The following NUP93 variants were observed in gnomAD, a reference collection of about 807,000 sequenced individuals.
The protein encoded by NUP93 is nuclear pore complex protein Nup93.
A neutral mutation model predicts 107.8 loss-of-function variants in NUP93; 55 were observed. The ratio of observed to expected loss-of-function variants is 0.51; its 90% CI spans 0.41 to 0.64. NUP93 has a LOEUF of 0.64. Among genes scored for constraint, NUP93 ranks in the 30% least tolerant of loss-of-function variants. NUP93 has a pLI of 0.00. For missense variants in NUP93, 937 were observed against 1,044.7 expected (o/e 0.90, Z 1.42); for synonymous variants, 390 against 397.5 (o/e 0.98, Z 0.22).
At chr16:56,739,029 G>T (rs1193654079) in intron 1 of NUP93, among the ~76,000 whole-genome samples, 8 of 150,020 alleles carry the variant, frequency 5.3e-5, no homozygotes, top group Non-Finnish European at 8.9e-5. Flanking sequence ...CACAGGGTTG[G>T]GGGTAAGGTC....
intron 7 of NUP93, 108 bp from the exon 8 acceptor site, chr16:56,823,599 C>T: frequency 1.5e-6 from 2 of 1,302,778 alleles, no homozygotes; most frequent in Non-Finnish European, 2.2e-6. Context: ...TGACATTAAC[C>T]TCATCCCCCA....
intron 21 of NUP93, 32 bp downstream of exon 21, chr16:56,841,865 T>C (rs1418307216): frequency 6.2e-7 from 1 of 1,612,106 alleles, no homozygotes; most frequent in South Asian, 1.1e-5. Context: ...GAAACATTGC[T>C]AAGCACCACC....
At position 56,815,899 on chromosome 16, in the gene NUP93, G is replaced by GCTGCTGCTGC. The variant is rs1555495759; in HGVS notation, c.490-2765_490-2764insCTGCTGCTGC. On this transcript the variant is annotated intron_variant, in intron 5 of 21. Coordinates refer to ENST00000308159, the MANE Select transcript of NUP93 (RefSeq NM_014669.5). Reference sequence around the variant, plus strand: ...GCTGCTGCTGCTGCTGCTGCTGCTGGTGCTGCTGCTGCTGCTGGTGCTGCT... The same window carrying GCTGCTGCTGC: ...GCTGCTGCTGCTGCTGCTGCTGCTGGCTGCTGCTGCTGCTGCTGCTGCTGCTGGTGCTGCT... Among the ~76,000 whole-genome samples, 109 of 96,030 alleles carry GCTGCTGCTGC rather than the reference G, an allele frequency of 1.1e-3. 1 individual carries two copies. The highest frequency in any genetic ancestry group is 4.1e-3 in the African/African-American group (102 of 24,744). 63.0% of individuals were successfully genotyped at this position (96,030 alleles called of 152,430 possible). A position where few individuals can be genotyped will look rare whatever the true frequency, so the allele number is the denominator to read the frequency against.
rs750385676 is a variant in NUP93, at chr16:56,821,554, G to A, written c.615G>A (p.Leu205=). The stretch of plus-strand genomic sequence containing the variant: ...TAAATGGACACCTGCAGCCTAACCT[G>A]GTGGACCTTTGTGCTTCCGTCGCAG... ...KIVNGHLQPN[L]VDLCASVAEL... is the part of the protein sequence containing the mutation. The change falls in exon 7 of 22, where the codon CTG becomes CTA. Residue 205 remains leucine (L), a synonymous_variant. Transcript: ENST00000308159. 1 of 1,613,438 alleles carries A rather than the reference G, an allele frequency of 6.2e-7. No individual in the cohort carries two copies. Among genetic ancestry groups the A allele is most frequent in the South Asian group, 1.1e-5 (1 of 91,048 alleles).
At chr16:56,757,487 C>T (rs184527947) in intron 2 of NUP93, among the ~76,000 whole-genome samples, 4 of 152,174 alleles carry the variant, frequency 2.6e-5, no homozygotes, top group East Asian at 1.9e-4. Context: ...AGACCCGACC[C>T]GACCTGACCC....
At chr16:56,766,460 A>G (rs367551755) in intron 3 of NUP93, among the ~76,000 whole-genome samples, 6 of 152,212 alleles carry the variant, frequency 3.9e-5, no homozygotes, top group Non-Finnish European at 7.3e-5. Context: ...TCTGGCATCT[A>G]TAAATTGCTC....
intron 21 of NUP93, among the ~76,000 whole-genome samples, chr16:56,842,420 C>T (rs1964043545): frequency 6.6e-6 from 1 of 152,086 alleles, no homozygotes; most frequent in African/African-American, 2.4e-5. Context: ...GGACCTCCAG[C>T]AGTGCATGGG....
intron 3 of NUP93, among the ~76,000 whole-genome samples, chr16:56,764,632 C>G (rs140843323): frequency 1.2e-4 from 19 of 152,288 alleles, no homozygotes. Context: ...AAAGTAGTTG[C>G]TCACTAATTG....
rs146580924 is a variant in NUP93, at chr16:56,806,527, G to A, written c.489+895G>A. On this transcript the variant is annotated intron_variant, in intron 5 of 21. Transcript: ENST00000308159. ...TCTAAGCACAATCAGGGTATTGGCC[G>A]AGGCTGCACTCATTTCAAGGCTAGA... Among the ~76,000 whole-genome samples the A allele has an allele frequency of 5.3e-5, 8 of 152,242 alleles. No homozygotes were observed. The East Asian group carries it at 9.7e-4, about 18-fold the overall frequency.
At chr16:56,828,129 A>G (rs1488178438) in intron 8 of NUP93, among the ~76,000 whole-genome samples, 1 of 151,914 alleles carries the variant, frequency 6.6e-6, no homozygotes, top group African/African-American at 2.4e-5. Context: ...TCTCAAAAAA[A>G]AATAAGGGCA....
intron 5 of NUP93, among the ~76,000 whole-genome samples, chr16:56,807,111 C>T (rs1329294808): frequency 1.3e-5 from 2 of 152,226 alleles, no homozygotes; most frequent in African/African-American, 4.8e-5. Flanking sequence ...CCAAGCTCAT[C>T]TTGTGCTGCT....
intron 17 of NUP93, 35 bp downstream of exon 17, chr16:56,836,752 C>T: frequency 7.2e-7 from 1 of 1,382,578 alleles, no homozygotes; most frequent in Non-Finnish European, 1.0e-6. Flanking sequence ...TTGCACTTCA[C>T]AGGTCTGCTG....
intron 6 of NUP93, among the ~76,000 whole-genome samples, chr16:56,819,415 A>G (rs1963498336): frequency 6.6e-6 from 1 of 152,234 alleles, no homozygotes; most frequent in Non-Finnish European, 1.5e-5. Context: ...AAAGAAGGAA[A>G]AATATCCTGT....
At chr16:56,732,393 A>C (rs915705420) in intron 1 of NUP93, among the ~76,000 whole-genome samples, 1 of 152,226 alleles carries the variant, frequency 6.6e-6, no homozygotes, top group Non-Finnish European at 1.5e-5. Flanking sequence ...GCCTGCCCTC[A>C]TTGAACTGAT....
chr16:56,760,911 T>A (rs1228837603), intron 3 of NUP93, among the ~76,000 whole-genome samples: 2 of 151,854 alleles, frequency 1.3e-5, no homozygotes, highest in Admixed American at 6.6e-5. Context: ...GTCCCTCCTG[T>A]GTGCACCACT....
chr16:56,804,905 C>CA (rs58373431), intron 4 of NUP93, among the ~76,000 whole-genome samples: 1,485 of 64,690 alleles, frequency 0.023, 11 homozygotes, highest in Middle Eastern at 0.038. Context: ...AACTCTGTCT[C>CA]AAAAAAAAAA....
In NUP93 at chr16:56,736,615, G is replaced by T. The variant is rs1961617783; in HGVS notation, c.-15+6404G>T. Among the ~76,000 whole-genome samples the T allele has an allele frequency of 2.0e-5, 3 of 152,320 alleles. No homozygotes were observed. In the South Asian group the frequency reaches 6.2e-4, roughly 32 times the overall value. The stretch of plus-strand genomic sequence containing the variant: ...AGAACCTGGGAGACAGAAGCCAGGG[G>T]CAGAGGCGGAGGAGGAGTTGGGGGT... On this transcript the variant is annotated intron_variant, in intron 1 of 21. Coordinates refer to ENST00000308159, the MANE Select transcript of NUP93 (RefSeq NM_014669.5).
chr16:56,787,639 A>G (rs1962657422), intron 3 of NUP93, among the ~76,000 whole-genome samples: 1 of 152,142 alleles, frequency 6.6e-6, no homozygotes, highest in South Asian at 2.1e-4. Flanking sequence ...TAAATAGTAA[A>G]GAACTGCTTT....
chr16:56,738,944 T>TC (rs1961655929), intron 1 of NUP93, among the ~76,000 whole-genome samples: 1 of 105,072 alleles, frequency 9.5e-6, no homozygotes, highest in Non-Finnish European at 1.9e-5. Context: ...ATGCTAAATT[T>TC]CTTTTTTTTT....
Sources: allele counts gnomAD v4.1 joint callset (sites outside exome capture counted in the v4.1 genomes callset), GRCh38; gene constraint gnomAD v4.1.1; transcripts MANE v1.5; gene names NCBI Gene and HGNC (gene_info 2026-07-23, HGNC 2026-07-21).